Variants in CBFA2T2 observed in about 807,000 individuals in gnomAD.
CBFA2T2 encodes protein CBFA2T2.
CBFA2T2 carries 11 observed loss-of-function variants against 62.2 expected under a neutral mutation model. The observed-to-expected ratio is 0.18, with a 90% CI of 0.11 to 0.29. The LOEUF (loss-of-function observed/expected upper bound fraction) is 0.29. Among genes scored for constraint, CBFA2T2 ranks in the 10% least tolerant of loss-of-function variants. CBFA2T2 has a pLI of 1.00. For missense variants in CBFA2T2, 592 were observed against 774.1 expected, an observed-to-expected ratio of 0.76 and a Z score of 2.79; for synonymous variants, 295 against 287.5, an observed-to-expected ratio of 1.03 and a Z score of -0.27.
intron 1 of CBFA2T2, among the ~76,000 whole-genome samples, chr20:33,567,766 T>C (rs2013395931): frequency 6.6e-6 from 1 of 151,816 alleles, no homozygotes; most frequent in African/African-American, 2.4e-5. Flanking sequence ...GTATTTTTAG[T>C]AGAGATGGGG....
intron 1 of CBFA2T2, among the ~76,000 whole-genome samples, chr20:33,550,070 G>A (rs2012696112): frequency 6.6e-6 from 1 of 152,030 alleles, no homozygotes; most frequent in Non-Finnish European, 1.5e-5. Context: ...CCTTCCAGAA[G>A]ATACTAAGAG....
At chr20:33,622,479 C>T (rs1488460337) in intron 4 of CBFA2T2, among the ~76,000 whole-genome samples, 12 of 152,186 alleles carry the variant, frequency 7.9e-5, no homozygotes, top group Admixed American at 6.5e-4. Context: ...TGAAAGAGAT[C>T]GAGTTCTGAG....
intron 1 of CBFA2T2, among the ~76,000 whole-genome samples, chr20:33,557,148 T>G (rs777171287): frequency 3.3e-5 from 5 of 151,050 alleles, no homozygotes; most frequent in Non-Finnish European, 7.4e-5. Flanking sequence ...CCAAGTAGCT[T>G]GGATTACAGG....
chr20:33,625,432 A>G (rs1487841435), intron 6 of CBFA2T2, among the ~76,000 whole-genome samples: 3 of 152,118 alleles, frequency 2.0e-5, no homozygotes, highest in Admixed American at 2.0e-4. Context: ...AACTACATTG[A>G]GCCATGATCT....
At chr20:33,531,583 C>T (rs889728795) in intron 1 of CBFA2T2, among the ~76,000 whole-genome samples, 1 of 152,204 alleles carries the variant, frequency 6.6e-6, no homozygotes, top group Non-Finnish European at 1.5e-5. Context: ...CTGATCTCTT[C>T]CTGTGCTAAA....
At chr20:33,591,861 GA>G (rs1362549565) in intron 1 of CBFA2T2, among the ~76,000 whole-genome samples, 100 of 150,774 alleles carry the variant, frequency 6.6e-4, no homozygotes, top group East Asian at 2.4e-3. Flanking sequence ...GGCGGGGTGG[GA>G]GGGGGGGGCC....
chr20:33,577,109 A>G (rs1262429096), intron 1 of CBFA2T2, among the ~76,000 whole-genome samples: 1 of 152,188 alleles, frequency 6.6e-6, no homozygotes, highest in Non-Finnish European at 1.5e-5. Flanking sequence ...CTTTCAGTCT[A>G]TTTGGAAAAC....
chr20:33,512,642 C>T (rs748833694), intron 1 of CBFA2T2, among the ~76,000 whole-genome samples: 18 of 152,166 alleles, frequency 1.2e-4, no homozygotes, highest in Non-Finnish European at 2.2e-4. Flanking sequence ...ATACCACAGT[C>T]GGTCCATTCT....
chr20:33,592,069 A>G (rs1407358272), intron 1 of CBFA2T2, among the ~76,000 whole-genome samples: 1 of 152,178 alleles, frequency 6.6e-6, no homozygotes, highest in African/African-American at 2.4e-5. Flanking sequence ...TGAACATGAA[A>G]AAAACGACAT....
intron 8 of CBFA2T2, among the ~76,000 whole-genome samples, chr20:33,634,429 T>G (rs1490547981): frequency 6.6e-6 from 1 of 152,082 alleles, no homozygotes; most frequent in Admixed American, 6.6e-5. Flanking sequence ...CCCAGCACTT[T>G]GAGAGGCAGA....
At chr20:33,539,023 C>A (rs923438727) in intron 1 of CBFA2T2, among the ~76,000 whole-genome samples, 2 of 152,184 alleles carry the variant, frequency 1.3e-5, no homozygotes, top group Admixed American at 6.5e-5. Flanking sequence ...TTCTTCCTGT[C>A]AATAATTGGC....
At position 33,597,895 on chromosome 20, in the gene CBFA2T2, C is replaced by G. The variant is rs544705815; in HGVS notation, c.35-9061C>G. Among the ~76,000 whole-genome samples, 32 of 152,186 alleles carry G rather than the reference C, an allele frequency of 2.1e-4. No homozygotes were observed. In the East Asian group the frequency reaches 5.6e-3, roughly 27 times the overall value. On this transcript the variant is annotated intron_variant, in intron 1 of 10. Transcript: ENST00000342704. ...CTTTTCTATTTTCCTTTAGCATCGG[C>G]CAGCTTGAGAAATAAAGGGACAGAG...
intron 1 of CBFA2T2, among the ~76,000 whole-genome samples, chr20:33,523,893 A>G (rs2011806812): frequency 6.6e-6 from 1 of 152,100 alleles, no homozygotes; most frequent in African/African-American, 2.4e-5. Context: ...CATGTTGGTC[A>G]GACTGATCTC....
chr20:33,518,154 T>C (rs1028939981), intron 1 of CBFA2T2, among the ~76,000 whole-genome samples: 11 of 151,756 alleles, frequency 7.2e-5, no homozygotes, highest in African/African-American at 2.2e-4. Flanking sequence ...TTCATTGTGT[T>C]AGCCAGGATG....
intron 1 of CBFA2T2, among the ~76,000 whole-genome samples, chr20:33,500,538 C>T (rs949284857): frequency 4.6e-5 from 7 of 151,850 alleles, no homozygotes; most frequent in Admixed American, 1.3e-4. Flanking sequence ...GGAGAAACCC[C>T]GTCTCTAATA....
intron 1 of CBFA2T2, among the ~76,000 whole-genome samples, chr20:33,601,034 A>T (rs2015111194): frequency 1.3e-5 from 2 of 152,160 alleles, no homozygotes; most frequent in African/African-American, 4.8e-5. Context: ...AACCAAAAAA[A>T]AAAAGGAACA....
rs550541635 is a variant in CBFA2T2, at chr20:33,491,509, G to A, written c.34+1208G>A. ...TCTCAGAGCTGATGTCCTTAAACACGTGAAAGGGAGGCTTTACGCTTCTTT... is the reference window on the plus strand; with the variant it reads ...TCTCAGAGCTGATGTCCTTAAACACATGAAAGGGAGGCTTTACGCTTCTTT... On this transcript the variant is annotated intron_variant, in intron 1 of 10. Transcript: ENST00000342704. 1.2e-3 allele frequency among the ~76,000 whole-genome samples: 185 copies of A among 152,176 alleles called. 1 individual carries two copies. The highest frequency in any genetic ancestry group is 1.7e-3 in the South Asian group (8 of 4,820).
At chr20:33,524,894 G>T (rs1488175578) in intron 1 of CBFA2T2, among the ~76,000 whole-genome samples, 1 of 152,190 alleles carries the variant, frequency 6.6e-6, no homozygotes, top group East Asian at 1.9e-4. Context: ...GAGTACAGTG[G>T]CACGATCTCA....
intron 1 of CBFA2T2, among the ~76,000 whole-genome samples, chr20:33,535,641 T>G (rs1320725779): frequency 6.7e-6 from 1 of 149,450 alleles, no homozygotes; most frequent in Non-Finnish European, 1.5e-5. Context: ...TTTTGACCTT[T>G]TAAATATTTA....
Sources: gnomAD v4.1 joint callset for allele counts (sites outside exome capture counted in the v4.1 genomes callset) on GRCh38, gnomAD v4.1.1 for gene constraint, MANE v1.5 for transcripts, NCBI Gene and HGNC (gene_info 2026-07-23, HGNC 2026-07-21) for gene names.